Variants in SPIDR observed in about 807,000 individuals in gnomAD.
SPIDR encodes the protein DNA repair-scaffolding protein.
A neutral mutation model predicts 104.6 loss-of-function variants in SPIDR; 93 were observed. That is an observed-to-expected ratio of 0.89 (90% CI 0.75 to 1.06). The LOEUF is 1.06. Among genes scored for constraint, SPIDR ranks in the 50% least tolerant of loss-of-function variants. The probability of loss-of-function intolerance (pLI) is 0.00; values close to 1 mark genes in which losing one functional copy is unlikely to be tolerated. For synonymous variants in SPIDR, 431 were observed against 416.9 expected (o/e 1.03, Z -0.41); for missense variants, 1,154 against 1,111.2 (o/e 1.04, Z -0.55).
chr8:47,330,146 A>G (rs2048404886), intron 5 of SPIDR, among the ~76,000 whole-genome samples: 1 of 151,924 alleles, frequency 6.6e-6, no homozygotes, highest in African/African-American at 2.4e-5. Context: ...GTTTATCTAA[A>G]AATGTATTTA....
chr8:47,372,068 T>C (rs1554639372), intron 5 of SPIDR, among the ~76,000 whole-genome samples: 1 of 152,160 alleles, frequency 6.6e-6, no homozygotes, highest in African/African-American at 2.4e-5. Flanking sequence ...TCACCTCTTC[T>C]GGGAAGACTT....
At chr8:47,349,945 C>T (rs905519951) in intron 5 of SPIDR, among the ~76,000 whole-genome samples, 7 of 152,200 alleles carry the variant, frequency 4.6e-5, no homozygotes, top group African/African-American at 1.7e-4. Flanking sequence ...GATGCCCCGC[C>T]CTGCTTCGGC....
intron 5 of SPIDR, among the ~76,000 whole-genome samples, chr8:47,334,904 C>T (rs2049412453): frequency 6.6e-6 from 1 of 152,004 alleles, no homozygotes. Context: ...CCTTACACTT[C>T]TTTCTTAGCT....
chr8:47,517,830 G>A (rs1286784478), intron 8 of SPIDR, among the ~76,000 whole-genome samples: 3 of 152,144 alleles, frequency 2.0e-5, no homozygotes, highest in Non-Finnish European at 4.4e-5. Context: ...TGAGGGTAGA[G>A]ATTAATTTTA....
chr8:47,622,473 G>A (rs965971213), intron 10 of SPIDR, among the ~76,000 whole-genome samples: 2 of 152,110 alleles, frequency 1.3e-5, no homozygotes, highest in Non-Finnish European at 2.9e-5. Context: ...CTATACTCAG[G>A]CACTGCTGAC....
At chr8:47,432,173 G>T (rs999426557) in intron 7 of SPIDR, among the ~76,000 whole-genome samples, 5 of 152,180 alleles carry the variant, frequency 3.3e-5, no homozygotes, top group Non-Finnish European at 7.4e-5. Context: ...GTAAAATTAG[G>T]TGTAGTTGTA....
At chr8:47,447,106 A>G (rs574805648) in intron 8 of SPIDR, among the ~76,000 whole-genome samples, 1 of 152,356 alleles carries the variant, frequency 6.6e-6, no homozygotes, top group African/African-American at 2.4e-5. Context: ...AAGAGAACTC[A>G]AATTAGAAGT....
intron 3 of SPIDR, among the ~76,000 whole-genome samples, chr8:47,289,135 C>G (rs1194165515): frequency 6.6e-6 from 1 of 152,076 alleles, no homozygotes; most frequent in Non-Finnish European, 1.5e-5. Context: ...TTCAGACTCC[C>G]AAGTAGCTGG....
chr8:47,400,784 A>C (rs1554662093), intron 6 of SPIDR, among the ~76,000 whole-genome samples: 1 of 151,712 alleles, frequency 6.6e-6, no homozygotes, highest in Non-Finnish European at 1.5e-5. Flanking sequence ...AAAGCTATAT[A>C]TATCTCCCCA....
At chr8:47,598,239 A>G (rs960965939) in intron 9 of SPIDR, among the ~76,000 whole-genome samples, 32 of 152,380 alleles carry the variant, frequency 2.1e-4, no homozygotes, top group African/African-American at 7.5e-4. Context: ...CTTTGGAGCC[A>G]GATGACCTGG....
chr8:47,424,482 ATTTCTTTTT>A (rs1563936794), intron 7 of SPIDR, among the ~76,000 whole-genome samples: 1 of 151,806 alleles, frequency 6.6e-6, no homozygotes, highest in Non-Finnish European at 1.5e-5. Flanking sequence ...TTAAAAAAAA[ATTTCTTTTT>A]TTTCTCTACA....
chr8:47,549,401 T>C (rs529148724), intron 8 of SPIDR, among the ~76,000 whole-genome samples: 1 of 152,312 alleles, frequency 6.6e-6, no homozygotes, highest in Admixed American at 6.5e-5. Context: ...GTAAAAGTGT[T>C]CCTATTTCTG....
rs1464724342 is a variant in SPIDR, at chr8:47,736,045, G to T, written c.*595G>T. 1 of 161,970 alleles carries T rather than the reference G, an allele frequency of 6.2e-6. No individual in the cohort carries two copies. The highest frequency in any genetic ancestry group is 1.4e-5 in the Non-Finnish European group (1 of 73,400). 10.0% of individuals were successfully genotyped at this position (161,970 alleles called of 1,614,324 possible). Reference sequence around the variant, plus strand: ...TGCTGAATGGTGGTGGGGATAGCTGGCTCCACCACACACACCTGTTTTAAT... The same window carrying T: ...TGCTGAATGGTGGTGGGGATAGCTGTCTCCACCACACACACCTGTTTTAAT... On this transcript the variant is annotated 3_prime_UTR_variant, in exon 20 of 20. Transcript: ENST00000297423.
At chr8:47,454,886 A>G (rs2072648575) in intron 8 of SPIDR, among the ~76,000 whole-genome samples, 1 of 152,078 alleles carries the variant, frequency 6.6e-6, no homozygotes, top group African/African-American at 2.4e-5. Flanking sequence ...GTCTCAAAAA[A>G]AAATAATAAT....
intron 5 of SPIDR, among the ~76,000 whole-genome samples, chr8:47,360,151 A>C (rs1157357119): frequency 6.6e-6 from 1 of 150,658 alleles, no homozygotes; most frequent in Non-Finnish European, 1.5e-5. Flanking sequence ...CTGAGGCAGG[A>C]CAATGGCATG....
At chr8:47,383,376 G>A (rs1410662296) in intron 5 of SPIDR, among the ~76,000 whole-genome samples, 2 of 152,084 alleles carry the variant, frequency 1.3e-5, no homozygotes, top group Non-Finnish European at 2.9e-5. Flanking sequence ...GTTTTCATTG[G>A]TACTATTTGG....
At position 47,727,167 on chromosome 8, in the gene SPIDR, C is replaced by T. The variant is rs776081219; in HGVS notation, c.2342-33C>T. The stretch of plus-strand genomic sequence containing the variant: ...GAGGAGTCAGAGAGGGCAGAGCCGC[C>T]TCTGAGGTGGGCTTTCCTTCTCTTG... On this transcript the variant is annotated intron_variant, in intron 16 of 19. Coordinates refer to ENST00000297423, the MANE Select transcript of SPIDR (RefSeq NM_001080394.4). The T allele has an allele frequency of 3.7e-6, 6 of 1,607,298 alleles. No homozygotes were observed. The African/African-American group carries it at 8.0e-5, about 21-fold the overall frequency.
intron 8 of SPIDR, among the ~76,000 whole-genome samples, chr8:47,487,308 A>T (rs369164981): frequency 1.6e-4 from 25 of 152,196 alleles, no homozygotes; most frequent in African/African-American, 6.0e-4. Context: ...GAGCTAACTA[A>T]CCTAAATATA....
At position 47,260,964 on chromosome 8, in the gene SPIDR, C is replaced by G. The variant is rs1300400086; in HGVS notation, c.6C>G (p.Pro2=). The change falls in exon 1 of 20, where the codon CCC becomes CCG. Residue 2 remains proline, a synonymous_variant. Transcript: ENST00000297423. The part of the protein sequence containing the change: M[P]RGSRARGSKR... The stretch of plus-strand genomic sequence containing the variant: ...CTCAGGCGGCGCTCCCGGAGATGCC[C>G]CGCGGCAGCCGCGCTCGGGGCTCTA... 4.9e-6 allele frequency: 6 copies of G among 1,229,398 alleles called. No individual in the cohort carries two copies. The highest frequency in any genetic ancestry group is 3.1e-4 in the Middle Eastern group (1 of 3,224). The allele number at this position is 1,229,398 out of a possible 1,614,324, so 76.2% of individuals were successfully genotyped here. A position where few individuals can be genotyped will look rare whatever the true frequency, so the allele number is the denominator to read the frequency against.
Sources: gnomAD v4.1 joint callset for allele counts (sites outside exome capture counted in the v4.1 genomes callset) on GRCh38, gnomAD v4.1.1 for gene constraint, MANE v1.5 for transcripts, NCBI Gene and HGNC (gene_info 2026-07-23, HGNC 2026-07-21) for gene names.